The following FNIP1 variants were observed in gnomAD, a reference collection of about 807,000 sequenced individuals.
The protein encoded by FNIP1 is folliculin interacting protein 1.
In FNIP1, 40 loss-of-function variants were observed where a neutral mutation model predicts 124.5. That is an observed-to-expected ratio of 0.32 (90% CI 0.25 to 0.42). The LOEUF is 0.42. FNIP1 is among the 10% of genes least tolerant of loss of function. FNIP1 has a pLI of 1.00. For synonymous variants in FNIP1, 472 were observed against 470.6 expected (o/e 1.00, Z -0.04); for missense variants, 1,176 against 1,403.7 (o/e 0.84, Z 2.59).
At chr5:131,757,028 G>A (rs138492533) in intron 1 of FNIP1, among the ~76,000 whole-genome samples, 2 of 152,310 alleles carry the variant, frequency 1.3e-5, no homozygotes, top group East Asian at 3.9e-4. Context: ...AAGGAGCAAG[G>A]CTGTTAAGAG....
rs1767808281 is a variant in FNIP1 at position 131,672,929 on chromosome 5, A to C, written c.1520-5T>G. The C allele has an allele frequency of 6.6e-7, 1 of 1,521,008 alleles. No homozygotes were observed. Among genetic ancestry groups the C allele is most frequent in the Admixed American group, 2.3e-5 (1 of 44,252 alleles). The allele number at this position is 1,521,008 out of a possible 1,614,324, so 94.2% of individuals were successfully genotyped here. A position where few individuals can be genotyped will look rare whatever the true frequency, so the allele number is the denominator to read the frequency against. On this transcript the variant is annotated splice_region_variant and splice_polypyrimidine_tract_variant and intron_variant, in intron 13 of 17. Transcript: ENST00000510461. ...CAATAGCGCCATACAAGTCTCCTGT[A>C]ATGGAAAAAATCAGTTATTGGACAT...
intron 1 of FNIP1, among the ~76,000 whole-genome samples, chr5:131,779,147 T>TAAAAAAAAAAAAAAAAAA (rs78900804): frequency 8.1e-6 from 1 of 122,810 alleles, no homozygotes; most frequent in Non-Finnish European, 1.8e-5. Context: ...AAAGTATAAT[T>TAAAAAAAAAAAAAAAAAA]AAAAAAAAAA....
chr5:131,719,182 A>C (rs1398510470), intron 4 of FNIP1, 122 bp from the exon 5 acceptor site: 1 of 1,123,444 alleles, frequency 8.9e-7, no homozygotes, highest in East Asian at 2.5e-5. Context: ...GCCATGAAGT[A>C]GCATTAAAAC....
intron 1 of FNIP1, among the ~76,000 whole-genome samples, chr5:131,788,546 A>G (rs944085919): frequency 6.6e-6 from 1 of 151,886 alleles, no homozygotes; most frequent in African/African-American, 2.4e-5. Flanking sequence ...AAACACAAAT[A>G]CAAAAATTTT....
At chr5:131,773,961 C>G (rs199894547) in intron 1 of FNIP1, among the ~76,000 whole-genome samples, 1 of 152,112 alleles carries the variant, frequency 6.6e-6, no homozygotes, top group Admixed American at 6.5e-5. Flanking sequence ...AAAGAGGGAG[C>G]AGGGGGAGGA....
Position 131,647,081 on chromosome 5 carries a change from T to C in FNIP1, c.3422+9A>G, listed in dbSNP as rs757130175. 6.2e-7 allele frequency: 1 copy of C among 1,612,958 alleles called. No homozygotes were observed. The highest frequency in any genetic ancestry group is 1.3e-5 in the African/African-American group (1 of 74,876). On this transcript the variant is annotated intron_variant, in intron 17 of 17. Coordinates refer to ENST00000510461, the MANE Select transcript of FNIP1 (RefSeq NM_133372.3). ...GAAAGCAAAGCCAAAAAAGAAACCA[T>C]TAACATACCCCAGAACCACTCCCAG...
intron 2 of FNIP1, among the ~76,000 whole-genome samples, chr5:131,743,062 T>C (rs185152336): frequency 1.7e-3 from 265 of 152,188 alleles, no homozygotes; most frequent in Admixed American, 3.7e-3. Flanking sequence ...AGCTATGATA[T>C]AGAAGGCTAT....
rs186717141 is a variant in FNIP1 at position 131,676,390 on chromosome 5, C to T, written c.1519+1313G>A. 2.7e-3 allele frequency among the ~76,000 whole-genome samples: 409 copies of T among 152,130 alleles called. 1 individual carries two copies. The highest frequency in any genetic ancestry group is 4.8e-3 in the Non-Finnish European group (328 of 67,998). ...TTTCGAACTCCTGACCTCAAGTAAT[C>T]CACCCACCTCAGCCTCCCAAAGTGC... On this transcript the variant is annotated intron_variant, in intron 13 of 17. Coordinates refer to ENST00000510461, the MANE Select transcript of FNIP1 (RefSeq NM_133372.3).
chr5:131,759,170 C>T (rs1262739200), intron 1 of FNIP1, among the ~76,000 whole-genome samples: 1 of 152,080 alleles, frequency 6.6e-6, no homozygotes, highest in Non-Finnish European at 1.5e-5. Flanking sequence ...CTAGAAAATA[C>T]CCTTCTCGAC....
intron 15 of FNIP1, among the ~76,000 whole-genome samples, chr5:131,668,455 G>C (rs575439101): frequency 6.6e-6 from 1 of 152,202 alleles, no homozygotes; most frequent in Admixed American, 6.5e-5. Flanking sequence ...GGAGGCTGAG[G>C]TGGGTGGATC....
intron 13 of FNIP1, among the ~76,000 whole-genome samples, chr5:131,675,788 T>C (rs1767891976): frequency 6.6e-6 from 1 of 152,074 alleles, no homozygotes; most frequent in African/African-American, 2.4e-5. Context: ...AAGGAAACTT[T>C]TGTAAGTGAT....
At chr5:131,703,104 T>C (rs1187593211) in intron 10 of FNIP1, among the ~76,000 whole-genome samples, 1 of 152,222 alleles carries the variant, frequency 6.6e-6, no homozygotes, top group Non-Finnish European at 1.5e-5. Flanking sequence ...TTGCAGTCTT[T>C]CTCACTTCAA....
chr5:131,654,694 G>A (rs1056020860), intron 15 of FNIP1, among the ~76,000 whole-genome samples: 1 of 152,164 alleles, frequency 6.6e-6, no homozygotes, highest in Non-Finnish European at 1.5e-5. Context: ...AGGGACATAG[G>A]ACTATGACAT....
chr5:131,671,149 T>G (rs1394967386), intron 14 of FNIP1, among the ~76,000 whole-genome samples: 1 of 152,220 alleles, frequency 6.6e-6, no homozygotes, highest in Admixed American at 6.5e-5. Flanking sequence ...CTTGGCCAAA[T>G]CTATTTCTAA....
chr5:131,719,643 A>G (rs1175017514), intron 3 of FNIP1, among the ~76,000 whole-genome samples: 1 of 152,184 alleles, frequency 6.6e-6, no homozygotes, highest in Non-Finnish European at 1.5e-5. Context: ...AGAGCTGTAC[A>G]ATATTTTATT....
At chr5:131,696,129 T>A (rs949286572) in intron 11 of FNIP1, among the ~76,000 whole-genome samples, 9 of 152,202 alleles carry the variant, frequency 5.9e-5, no homozygotes, top group Non-Finnish European at 1.2e-4. Flanking sequence ...CTTACATTCA[T>A]AAAATCATCA....
At chr5:131,684,169 C>CA (rs1768187527) in intron 11 of FNIP1, among the ~76,000 whole-genome samples, 1 of 152,056 alleles carries the variant, frequency 6.6e-6, no homozygotes, top group South Asian at 2.1e-4. Flanking sequence ...AAATAAATGT[C>CA]AAAAAAGTAT....
At chr5:131,757,760 A>G (rs1380301194) in intron 1 of FNIP1, among the ~76,000 whole-genome samples, 1 of 152,206 alleles carries the variant, frequency 6.6e-6, no homozygotes, top group Non-Finnish European at 1.5e-5. Flanking sequence ...GGAGTAAAAC[A>G]TGAAAGCTCA....
At position 131,671,745 on chromosome 5, in the gene FNIP1, A is replaced by G. The variant is rs778512589; in HGVS notation, c.2699T>C (p.Phe900Ser). The G allele has an allele frequency of 6.2e-7, 1 of 1,614,124 alleles. No individual in the cohort carries two copies. The highest frequency in any genetic ancestry group is 1.1e-5 in the South Asian group (1 of 91,084). ...TGTATCTCTTTGGTCCTGCTGAGGA[A>G]AGCAGGTTTTACATGAATCTTGGGG... The part of the protein sequence containing the change: ...TVPQDSCKTC[F>S]PQQDQRDTLS... Residue 900 changes from phenylalanine (F) to serine (S), a missense_variant, in exon 14 of 18, where the codon TTT (phenylalanine) becomes TCT (serine). Around this residue, in one of 2 missense-constraint regions of FNIP1, gnomAD observed 1,109 missense variants for 1,288.5 expected, o/e 0.86. Coordinates refer to ENST00000510461, the MANE Select transcript of FNIP1 (RefSeq NM_133372.3).
Sources: gnomAD v4.1 joint callset for allele counts (sites outside exome capture counted in the v4.1 genomes callset) on GRCh38, gnomAD v4.1.1 for gene constraint, gnomAD v4.1.1 regional missense constraint, MANE v1.5 for transcripts, NCBI Gene and HGNC (gene_info 2026-07-23, HGNC 2026-07-21) for gene names.